L2HGDH: variants seen among roughly 807,000 people sequenced by gnomAD.
L2HGDH encodes L-2-hydroxyglutarate dehydrogenase, also known as L-2-hydroxyglutarate dehydrogenase, mitochondrial.
In L2HGDH, 34 loss-of-function variants were observed where a neutral mutation model predicts 51.5. The observed-to-expected ratio is 0.66, with a 90% CI of 0.50 to 0.88. The LOEUF is 0.88. Among genes scored for constraint, L2HGDH ranks in the 40% least tolerant of loss-of-function variants. The pLI, the probability that L2HGDH is intolerant of heterozygous loss-of-function variation, is 0.00. For missense variants in L2HGDH, 558 were observed against 571.9 expected (o/e 0.98, Z 0.25); for synonymous variants, 198 against 197.9 (o/e 1.00, Z -0.01).
At chr14:50,275,498 C>T (rs546934754) in intron 6 of L2HGDH, among the ~76,000 whole-genome samples, 39 of 152,316 alleles carry the variant, frequency 2.6e-4, no homozygotes, top group African/African-American at 8.9e-4. Flanking sequence ...GTCTTATTCA[C>T]CATCATGGTA....
intron 6 of L2HGDH, among the ~76,000 whole-genome samples, chr14:50,272,132 C>T (rs182137215): frequency 9.2e-5 from 14 of 152,288 alleles, no homozygotes; most frequent in Admixed American, 9.2e-4. Flanking sequence ...CAGAGTGAGA[C>T]TGTCTCAAAA....
rs148289717 is a variant in L2HGDH, at chr14:50,295,798, G to A, written c.409-1552C>T. Among the ~76,000 whole-genome samples the A allele has an allele frequency of 1.9e-3, 283 of 148,458 alleles. 1 individual carries two copies. Among genetic ancestry groups the A allele is most frequent in the African/African-American group, 6.2e-3 (250 of 40,132 alleles). On this transcript the variant is annotated intron_variant, in intron 3 of 9. Transcript: ENST00000267436. ...TTGTCACCCAGGCTGGAGTGCAATG[G>A]CAGGATCTCGTCTCACTGCAACCTC...
At chr14:50,303,358 G>T (rs562269210) in intron 1 of L2HGDH, among the ~76,000 whole-genome samples, 6 of 152,066 alleles carry the variant, frequency 3.9e-5, no homozygotes, top group Admixed American at 1.3e-4. Context: ...GGAAGCAGAG[G>T]TTGCAGTGAG....
Position 50,263,509 on chromosome 14 carries a change from A to G in L2HGDH, c.1196+1849T>C, listed in dbSNP as rs940299939. On this transcript the variant is annotated intron_variant, in intron 9 of 9. Coordinates refer to ENST00000267436, the MANE Select transcript of L2HGDH (RefSeq NM_024884.3). Reference sequence around the variant, plus strand: ...CATGATTATTGCTCTCTACACAGATACACAGTCAAGCCTGCTGACATTTTT... The same window carrying G: ...CATGATTATTGCTCTCTACACAGATGCACAGTCAAGCCTGCTGACATTTTT... Among the ~76,000 whole-genome samples, 6 of 152,208 alleles carry G rather than the reference A, an allele frequency of 3.9e-5. No individual in the cohort carries two copies. In the East Asian group the frequency reaches 1.2e-3, roughly 29 times the overall value.
At chr14:50,298,321 CT>C (rs902518704) in intron 3 of L2HGDH, among the ~76,000 whole-genome samples, 82 of 143,470 alleles carry the variant, frequency 5.7e-4, no homozygotes, top group Admixed American at 4.9e-4. Flanking sequence ...GGTGGGAGGA[CT>C]TTTTTTTTTT....
At chr14:50,287,800 C>G (rs1405643606) in intron 4 of L2HGDH, among the ~76,000 whole-genome samples, 2 of 147,500 alleles carry the variant, frequency 1.4e-5, no homozygotes, top group Non-Finnish European at 3.0e-5. Flanking sequence ...CAGGTTCAAG[C>G]GATTCTCCTG....
At chr14:50,310,865 C>T (rs1238410629) in intron 1 of L2HGDH, among the ~76,000 whole-genome samples, 5 of 151,974 alleles carry the variant, frequency 3.3e-5, no homozygotes, top group African/African-American at 4.8e-5. Context: ...TCCACCAACA[C>T]GCAGCAGCCA....
In L2HGDH at chr14:50,258,203, T is replaced by C. The variant is rs1888792638; in HGVS notation, c.1196+7155A>G. On this transcript the variant is annotated intron_variant, in intron 9 of 9. Coordinates refer to ENST00000267436, the MANE Select transcript of L2HGDH (RefSeq NM_024884.3). Reference sequence around the variant, plus strand: ...CATCTATGTACCAATCCAACACCAATGTCTCTCCACTGGGTTATTTTATTT... The same window carrying C: ...CATCTATGTACCAATCCAACACCAACGTCTCTCCACTGGGTTATTTTATTT... Among the ~76,000 whole-genome samples the C allele has an allele frequency of 3.3e-5, 5 of 151,976 alleles. No individual in the cohort carries two copies. The South Asian group carries it at 8.3e-4, about 25-fold the overall frequency.
intron 9 of L2HGDH, among the ~76,000 whole-genome samples, chr14:50,248,724 T>C (rs1334939459): frequency 6.6e-6 from 1 of 152,120 alleles, no homozygotes; most frequent in Non-Finnish European, 1.5e-5. Context: ...AAGAATCAGA[T>C]ATGGGAGTGA....
At chr14:50,294,844 T>C (rs1450096732) in intron 3 of L2HGDH, among the ~76,000 whole-genome samples, 2 of 152,226 alleles carry the variant, frequency 1.3e-5, no homozygotes, top group Non-Finnish European at 2.9e-5. Flanking sequence ...TGAGGTACAG[T>C]TTCTTCTTTA....
chr14:50,264,005 C>G (rs1228190396), intron 9 of L2HGDH, among the ~76,000 whole-genome samples: 1 of 151,028 alleles, frequency 6.6e-6, no homozygotes, highest in Non-Finnish European at 1.5e-5. Context: ...GAACTCCTGA[C>G]CTCAGGTGAT....
At chr14:50,305,081 G>C (rs2030649906) in intron 1 of L2HGDH, among the ~76,000 whole-genome samples, 1 of 152,154 alleles carries the variant, frequency 6.6e-6, no homozygotes, top group African/African-American at 2.4e-5. Context: ...TCTGGAACCA[G>C]AAACAGATCC....
At chr14:50,248,612 C>T (rs1348671170) in intron 9 of L2HGDH, among the ~76,000 whole-genome samples, 2 of 152,140 alleles carry the variant, frequency 1.3e-5, no homozygotes, top group Admixed American at 6.5e-5. Context: ...AGAATTATAA[C>T]AGTAAGAGTG....
chr14:50,307,161 T>C (rs181653384), intron 1 of L2HGDH, among the ~76,000 whole-genome samples: 18 of 152,204 alleles, frequency 1.2e-4, no homozygotes, highest in Admixed American at 3.9e-4. Flanking sequence ...TTTGGGGAGG[T>C]AGACCTTCCA....
At chr14:50,287,726 C>A (rs1890643405) in intron 4 of L2HGDH, among the ~76,000 whole-genome samples, 1 of 105,154 alleles carries the variant, frequency 9.5e-6, no homozygotes, top group South Asian at 3.3e-4. Context: ...GAGACAGAGT[C>A]TCACTCTGTT....
At chr14:50,280,689 T>A (rs963286033) in intron 5 of L2HGDH, among the ~76,000 whole-genome samples, 5 of 152,164 alleles carry the variant, frequency 3.3e-5, no homozygotes, top group Non-Finnish European at 7.3e-5. Context: ...AAAATTTTTA[T>A]GTTTAGTAAA....
intron 3 of L2HGDH, among the ~76,000 whole-genome samples, chr14:50,298,730 A>G (rs931640090): frequency 1.3e-5 from 2 of 152,180 alleles, no homozygotes; most frequent in African/African-American, 4.8e-5. Flanking sequence ...ATACGCTCCT[A>G]AATGACCAGT....
intron 4 of L2HGDH, among the ~76,000 whole-genome samples, chr14:50,290,130 G>C (rs1890791928): frequency 6.6e-6 from 1 of 151,972 alleles, no homozygotes; most frequent in South Asian, 2.1e-4. Flanking sequence ...AGCCAGGTGT[G>C]GTGGTGGGCG....
At chr14:50,291,811 A>G (rs1344345606) in intron 4 of L2HGDH, among the ~76,000 whole-genome samples, 1 of 152,220 alleles carries the variant, frequency 6.6e-6, no homozygotes, top group East Asian at 1.9e-4. Context: ...ATATAAAACT[A>G]TACAAACTAG....
Sources: allele counts gnomAD v4.1 joint callset (sites outside exome capture counted in the v4.1 genomes callset), GRCh38; gene constraint gnomAD v4.1.1; transcripts MANE v1.5; gene names NCBI Gene and HGNC (gene_info 2026-07-23, HGNC 2026-07-21).